Variants in MAPK4 observed in about 807,000 individuals in gnomAD.
MAPK4 encodes mitogen-activated protein kinase 4, also known as Erk3-related.
In MAPK4, 22 loss-of-function variants were observed where a neutral mutation model predicts 47.7. The ratio of observed to expected loss-of-function variants is 0.46; its 90% CI spans 0.33 to 0.66. MAPK4 has a LOEUF of 0.66. MAPK4 is among the 30% of genes least tolerant of loss of function. The pLI is 0.02. For missense variants in MAPK4, 736 were observed against 831.7 expected, an observed-to-expected ratio of 0.88 and a Z score of 1.42; for synonymous variants, 390 against 365.7, an observed-to-expected ratio of 1.07 and a Z score of -0.76.
chr18:50,585,167 G>T (rs1311700302), intron 1 of MAPK4, among the ~76,000 whole-genome samples: 1 of 152,200 alleles, frequency 6.6e-6, no homozygotes, highest in East Asian at 1.9e-4. Context: ...AGCCCCAGAG[G>T]TTCTGATTTA....
rs1007631387 is a variant in MAPK4 at position 50,729,949 on chromosome 18, T to C, written c.*95T>C. The C allele has an allele frequency of 1.5e-6, 2 of 1,301,310 alleles. No individual in the cohort carries two copies. Among genetic ancestry groups the C allele is most frequent in the Non-Finnish European group, 2.1e-6 (2 of 969,864 alleles). The allele number at this position is 1,301,310 out of a possible 1,614,324, so 80.6% of individuals were successfully genotyped here. A position where few individuals can be genotyped will look rare whatever the true frequency, so the allele number is the denominator to read the frequency against. The stretch of plus-strand genomic sequence containing the variant: ...GGCCGCCCTTCCCGCCCCTCTCTGC[T>C]GCCTTGGGGTTGGCAGAACACGTGA... On this transcript the variant is annotated 3_prime_UTR_variant, in exon 6 of 6. Transcript: ENST00000400384.
At position 50,713,031 on chromosome 18, in the gene MAPK4, G is replaced by T. The variant is rs540627280; in HGVS notation, c.547-2048G>T. Among the ~76,000 whole-genome samples the T allele has an allele frequency of 9.8e-5, 15 of 152,296 alleles. No individual in the cohort carries two copies. In the South Asian group the frequency reaches 1.2e-3, roughly 13 times the overall value. On this transcript the variant is annotated intron_variant, in intron 2 of 5. Transcript: ENST00000400384. ...GCATTGTGCTAAGTGAAGGAATTCA[G>T]ACTCAAAAGGCTACATACTGTCATT...
chr18:50,600,766 G>T (rs1351021174), intron 1 of MAPK4, among the ~76,000 whole-genome samples: 1 of 151,380 alleles, frequency 6.6e-6, no homozygotes, highest in Non-Finnish European at 1.5e-5. Context: ...TGATTTTAGT[G>T]TCAAAGAACC....
chr18:50,731,435 G>GGCT lies in MAPK4; in HGVS notation c.*1584_*1586dup, dbSNP rs1598971678. ...TAGAGGATTCCACCAGTTGGTCTTG[G>GGCT]GCTGCGTTCACCCTCACATCACAGC... On this transcript the variant is annotated 3_prime_UTR_variant, in exon 6 of 6. Transcript: ENST00000400384. 1 of 152,230 alleles carries GGCT rather than the reference G, an allele frequency of 6.6e-6. No individual in the cohort carries two copies. The highest frequency in any genetic ancestry group is 2.4e-5 in the African/African-American group (1 of 41,432). The allele number at this position is 152,230 out of a possible 1,614,324, so 9.4% of individuals were successfully genotyped here.
intron 1 of MAPK4, among the ~76,000 whole-genome samples, chr18:50,639,510 A>G (rs1441124623): frequency 6.6e-6 from 1 of 152,220 alleles, no homozygotes; most frequent in East Asian, 1.9e-4. Flanking sequence ...TAGAAAATTT[A>G]GGAGAAAATG....
chr18:50,696,433 G>T (rs185912705), intron 2 of MAPK4, among the ~76,000 whole-genome samples: 55 of 152,364 alleles, frequency 3.6e-4, no homozygotes, highest in Admixed American at 9.8e-4. Context: ...TGGGGATACA[G>T]CCAGTGAGGT....
At chr18:50,681,531 C>G (rs1417647592) in intron 2 of MAPK4, among the ~76,000 whole-genome samples, 1 of 152,126 alleles carries the variant, frequency 6.6e-6, no homozygotes, top group Non-Finnish European at 1.5e-5. Flanking sequence ...CCTATGATTT[C>G]TTCAATTTTT....
intron 1 of MAPK4, among the ~76,000 whole-genome samples, chr18:50,565,600 A>C (rs772673840): frequency 3.4e-4 from 51 of 152,230 alleles, no homozygotes; most frequent in Non-Finnish European, 6.5e-4. Flanking sequence ...GTTGTGTGCT[A>C]CATAATGACA....
chr18:50,707,095 G>A (rs1026542787), intron 2 of MAPK4, among the ~76,000 whole-genome samples: 10 of 152,106 alleles, frequency 6.6e-5, no homozygotes, highest in Non-Finnish European at 1.5e-4. Flanking sequence ...AGTACATTAC[G>A]CTAAATGAAA....
chr18:50,641,965 A>T (rs2042944920), intron 1 of MAPK4, among the ~76,000 whole-genome samples: 1 of 152,224 alleles, frequency 6.6e-6, no homozygotes, highest in Non-Finnish European at 1.5e-5. Flanking sequence ...TGGCAACATT[A>T]CTTCCGAAAG....
chr18:50,710,029 C>T (rs1346409665), intron 2 of MAPK4, among the ~76,000 whole-genome samples: 1 of 152,166 alleles, frequency 6.6e-6, no homozygotes, highest in Non-Finnish European at 1.5e-5. Context: ...GAAGGCGAGG[C>T]TGTCAGAGTC....
intron 1 of MAPK4, among the ~76,000 whole-genome samples, chr18:50,637,881 G>A (rs1227299119): frequency 6.6e-6 from 1 of 152,098 alleles, no homozygotes; most frequent in Non-Finnish European, 1.5e-5. Flanking sequence ...ATTAGATTGG[G>A]GCCTACCCCG....
chr18:50,588,991 T>A (rs1199543805), intron 1 of MAPK4, among the ~76,000 whole-genome samples: 1 of 152,240 alleles, frequency 6.6e-6, no homozygotes, highest in Non-Finnish European at 1.5e-5. Context: ...CAGACTTTTT[T>A]ACTAGCGTGT....
rs556250636 is a variant in MAPK4, at chr18:50,664,260, C to T, written c.302C>T (p.Ala101Val). The T allele has an allele frequency of 1.5e-5, 25 of 1,613,744 alleles. No homozygotes were observed. The highest frequency in any genetic ancestry group is 8.9e-5 in the East Asian group (4 of 44,860). ...LQGELFKFSV[A>V]YIVQEYMETD... ...GGTGAGCTGTTCAAGTTCAGCGTGG[C>T]GTACATCGTCCAGGAGTACATGGAG... The change falls in exon 2 of 6, where the codon GCG (alanine) becomes GTG (valine). Residue 101 changes from alanine (A) to valine (V), a missense_variant. Physicochemically the swap from Ala to Val is moderately conservative, Grantham distance 64 (BLOSUM62 0). Transcript: ENST00000400384. The surrounding 1 kb of genome is among the most constrained non-coding windows in gnomAD (Gnocchi z 6.0).
intron 2 of MAPK4, among the ~76,000 whole-genome samples, chr18:50,693,751 T>C (rs1909359756): frequency 6.6e-6 from 1 of 152,114 alleles, no homozygotes; most frequent in Non-Finnish European, 1.5e-5. Context: ...GGTAATCCTG[T>C]GGTATAGGAA....
intron 1 of MAPK4, among the ~76,000 whole-genome samples, chr18:50,633,422 A>G (rs1024753614): frequency 1.3e-5 from 2 of 152,186 alleles, no homozygotes; most frequent in Non-Finnish European, 2.9e-5. Flanking sequence ...GAGGTCCCAC[A>G]TCCTGTAGCA....
intron 2 of MAPK4, among the ~76,000 whole-genome samples, chr18:50,686,421 T>A (rs1908883327): frequency 6.6e-6 from 1 of 152,238 alleles, no homozygotes; most frequent in African/African-American, 2.4e-5. Context: ...GCCAGAGCAC[T>A]AAACTGCTTC....
At chr18:50,712,149 G>A (rs555453619) in intron 2 of MAPK4, among the ~76,000 whole-genome samples, 28 of 152,244 alleles carry the variant, frequency 1.8e-4, no homozygotes, top group African/African-American at 5.3e-4. Context: ...TTTAAGTGTC[G>A]GGCACAGTGG....
At chr18:50,712,545 T>TAA (rs5824847) in intron 2 of MAPK4, among the ~76,000 whole-genome samples, 2,843 of 143,368 alleles carry the variant, frequency 0.02, 79 homozygotes, top group African/African-American at 0.065. Context: ...TGTTTTTCAT[T>TAA]AAAAAAAAAA....
Sources: gnomAD v4.1 joint callset for allele counts (sites outside exome capture counted in the v4.1 genomes callset) on GRCh38, gnomAD v4.1.1 for gene constraint, Gnocchi (gnomAD v3.1) non-coding constraint, MANE v1.5 for transcripts, NCBI Gene and HGNC (gene_info 2026-07-23, HGNC 2026-07-21) for gene names.